Variants in PAICS observed in about 807,000 individuals in gnomAD.
PAICS encodes phosphoribosylaminoimidazole carboxylase and phosphoribosylaminoimidazolesuccinocarboxamide synthase.
In PAICS, 33 loss-of-function variants were observed where a neutral mutation model predicts 53.7. That is an observed-to-expected ratio of 0.61 (90% CI 0.47 to 0.82). PAICS has a LOEUF of 0.82. Ranked by LOEUF, PAICS falls within the 40% of genes least tolerant of loss-of-function variation. The pLI, the probability that PAICS is intolerant of heterozygous loss-of-function variation, is 0.00. For missense variants in PAICS, 394 were observed against 494.1 expected (o/e 0.80, Z 1.92); for synonymous variants, 141 against 167.2 (o/e 0.84, Z 1.21).
At chr4:56,451,557 G>A (rs1215769482) in intron 6 of PAICS, among the ~76,000 whole-genome samples, 1 of 152,104 alleles carries the variant, frequency 6.6e-6, no homozygotes, top group Non-Finnish European at 1.5e-5. Context: ...TAAACAAAGT[G>A]CACTAAAGGT....
chr4:56,455,894 C>A (rs887941242), intron 8 of PAICS, among the ~76,000 whole-genome samples: 1 of 152,128 alleles, frequency 6.6e-6, no homozygotes, highest in Non-Finnish European at 1.5e-5. Context: ...TTTCGGTGAG[C>A]TCTTTTAATC....
At chr4:56,436,034 C>G, upstream of PAICS, 2 of 1,520,560 alleles carry the variant, frequency 1.3e-6, no homozygotes, top group Non-Finnish European at 1.8e-6. Context: ...TTTCGCCTGT[C>G]CGGGCACTGC....
chr4:56,452,218 G>A (rs775113992), intron 7 of PAICS, among the ~76,000 whole-genome samples, 166 bp downstream of exon 7: 45 of 151,834 alleles, frequency 3.0e-4, no homozygotes, highest in African/African-American at 8.7e-4. Flanking sequence ...TCACTCTGTC[G>A]CCCAGGCTGG....
the PAICS span, chr4:56,421,873 C>T: frequency 6.6e-6 from 1 of 152,016 alleles, no homozygotes; most frequent in African/African-American, 2.4e-5. Context: ...AGATACATAC[C>T]CAATATCTAT....
At chr4:56,429,366 C>T in the PAICS span, among the ~76,000 whole-genome samples, 1 of 152,028 alleles carries the variant, frequency 6.6e-6, no homozygotes, top group African/African-American at 2.4e-5. Flanking sequence ...GAAAAAAATC[C>T]ACAGTTCTTC....
At chr4:56,412,832 C>G in the PAICS span, among the ~76,000 whole-genome samples, 1 of 152,186 alleles carries the variant, frequency 6.6e-6, no homozygotes, top group Non-Finnish European at 1.5e-5. Flanking sequence ...TTTTCACCCT[C>G]TTCCCATATA....
chr4:56,429,668 TG>T, the PAICS span, among the ~76,000 whole-genome samples: 3 of 152,192 alleles, frequency 2.0e-5, no homozygotes, highest in African/African-American at 7.2e-5. Flanking sequence ...TTTATGAGAT[TG>T]TTTTTTAGTT....
the PAICS span, among the ~76,000 whole-genome samples, chr4:56,418,993 A>G: frequency 2.0e-5 from 3 of 152,220 alleles, no homozygotes; most frequent in Non-Finnish European, 2.9e-5. Flanking sequence ...TAATTTTCGC[A>G]AGGCGTAAGC....
the PAICS span, among the ~76,000 whole-genome samples, chr4:56,416,817 C>T: frequency 6.6e-6 from 1 of 152,080 alleles, no homozygotes; most frequent in Non-Finnish European, 1.5e-5. Flanking sequence ...ATTTGAATCA[C>T]CCAATGAATT....
chr4:56,453,380 C>T (rs1359184367), intron 7 of PAICS, among the ~76,000 whole-genome samples: 35 of 151,010 alleles, frequency 2.3e-4, no homozygotes, highest in Admixed American at 2.3e-3. Context: ...AACAACCAAA[C>T]CGATTCCAGC....
intron 1 of PAICS, among the ~76,000 whole-genome samples, chr4:56,438,818 T>C (rs1287917851): frequency 1.3e-5 from 2 of 152,208 alleles, no homozygotes; most frequent in Admixed American, 1.3e-4. Context: ...TACAATTTTT[T>C]ATATCGAATG....
At chr4:56,459,213 T>C (rs1325218507) in intron 8 of PAICS, among the ~76,000 whole-genome samples, 159 bp from the exon 9 acceptor site, 1 of 152,222 alleles carries the variant, frequency 6.6e-6, no homozygotes, top group African/African-American at 2.4e-5. Flanking sequence ...ACCACTCCGG[T>C]ATTAAAGACA....
Position 56,461,320 on chromosome 4 carries a change from A to G in PAICS, c.*1782A>G, listed in dbSNP as rs144815075. On this transcript the variant is annotated 3_prime_UTR_variant, in exon 9 of 9. Transcript: ENST00000512576. Reference sequence around the variant, plus strand: ...TGTGTACTACTTAAGTTTATATCTTATGCTAGTTTATAAGAACAATTAAAA... The same window carrying G: ...TGTGTACTACTTAAGTTTATATCTTGTGCTAGTTTATAAGAACAATTAAAA... The G allele has an allele frequency of 1.3e-5, 2 of 152,328 alleles. No individual in the cohort carries two copies. The highest frequency in any genetic ancestry group is 3.9e-4 in the East Asian group (2 of 5,188). 9.4% of individuals were successfully genotyped at this position (152,328 alleles called of 1,614,324 possible).
intron 1 of PAICS, among the ~76,000 whole-genome samples, chr4:56,436,961 C>G (rs1156698999): frequency 6.6e-6 from 1 of 152,210 alleles, no homozygotes; most frequent in East Asian, 1.9e-4. Context: ...CGCGCCATTG[C>G]ACTCCAGCCT....
intron 1 of PAICS, among the ~76,000 whole-genome samples, 176 bp from the exon 2 acceptor site, chr4:56,441,487 T>A (rs1036151128): frequency 6.6e-6 from 1 of 152,204 alleles, no homozygotes; most frequent in Non-Finnish European, 1.5e-5. Context: ...ATCATGTGAA[T>A]CAAATGTGAT....
At chr4:56,458,095 T>C (rs532875880) in intron 8 of PAICS, among the ~76,000 whole-genome samples, 2 of 152,230 alleles carry the variant, frequency 1.3e-5, no homozygotes, top group Admixed American at 6.5e-5. Flanking sequence ...AAGGGGAGCA[T>C]GATAAGCAAA....
intron 2 of PAICS, chr4:56,446,229 A>G (rs1718607725): frequency 3.4e-6 from 2 of 596,656 alleles, no homozygotes; most frequent in African/African-American, 1.8e-5. Flanking sequence ...CATTCATCCC[A>G]TTATCCATTT....
At position 56,457,180 on chromosome 4, in the gene PAICS, A is replaced by C. The variant is rs142449383; in HGVS notation, c.1112-2192A>C. ...GGTGGCTCATGCCTATAATCCCAAC[A>C]CTTTGGGAGGCAGAGATTGGTGGAT... On this transcript the variant is annotated intron_variant, in intron 8 of 8. Coordinates refer to ENST00000512576, the MANE Select transcript of PAICS (RefSeq NM_001079524.2). Among the ~76,000 whole-genome samples the C allele has an allele frequency of 7.9e-5, 12 of 152,254 alleles. No individual in the cohort carries two copies. The East Asian group carries it at 2.1e-3, about 27-fold the overall frequency.
chr4:56,420,169 A>T, the PAICS span: 1 of 202,460 alleles, frequency 4.9e-6, no homozygotes, highest in Non-Finnish European at 8.8e-6. Flanking sequence ...CAGATTTTAG[A>T]GTATTTGCAT....
Sources: allele counts gnomAD v4.1 joint callset (sites outside exome capture counted in the v4.1 genomes callset), GRCh38; gene constraint gnomAD v4.1.1; transcripts MANE v1.5; gene names NCBI Gene and HGNC (gene_info 2026-07-23, HGNC 2026-07-21).